Variants in DHX40 observed in about 807,000 individuals in gnomAD.
DHX40 encodes probable ATP-dependent RNA helicase DHX40.
DHX40 carries 28 observed loss-of-function variants against 89.6 expected under a neutral mutation model. The observed-to-expected ratio is 0.31, with a 90% CI of 0.23 to 0.43. The LOEUF (loss-of-function observed/expected upper bound fraction) is 0.43. Ranked by LOEUF, DHX40 falls within the 20% of genes least tolerant of loss-of-function variation. The pLI is 1.00. For missense variants in DHX40, 457 were observed against 844.0 expected (o/e 0.54, Z 5.68); for synonymous variants, 226 against 283.6 (o/e 0.80, Z 2.04).
rs905958538 is a variant in DHX40, at chr17:59,607,011, G to A, written c.2201-22G>A. On this transcript the variant is annotated intron_variant, in intron 17 of 17. Transcript: ENST00000251241. ...TGAATCTCAAAGCTAAGTTTTATTG[G>A]ATTAATTTGTAATGTTTTCAGATGG... 8.1e-6 allele frequency: 13 copies of A among 1,600,392 alleles called. No homozygotes were observed. In the African/African-American group the frequency reaches 1.1e-4, roughly 13 times the overall value.
chr17:59,600,099 C>T (rs2030395229), intron 14 of DHX40, among the ~76,000 whole-genome samples: 2 of 152,182 alleles, frequency 1.3e-5, no homozygotes, highest in Admixed American at 6.5e-5. Flanking sequence ...GCTGGAATTA[C>T]AGGCATGAGC....
intron 2 of DHX40, among the ~76,000 whole-genome samples, chr17:59,568,221 CTG>C (rs2048735846): frequency 6.6e-6 from 1 of 151,880 alleles, no homozygotes; most frequent in African/African-American, 2.4e-5. Context: ...GAGTGAGACT[CTG>C]TGTCAAAAAA....
chr17:59,596,599 G>A (rs1461338638), intron 12 of DHX40, among the ~76,000 whole-genome samples: 4 of 152,154 alleles, frequency 2.6e-5, no homozygotes, highest in South Asian at 4.2e-4. Context: ...TTAGTCTCCC[G>A]GAGCAGTTCA....
intron 15 of DHX40, among the ~76,000 whole-genome samples, chr17:59,603,001 G>T (rs1393089824): frequency 1.3e-5 from 2 of 152,156 alleles, no homozygotes; most frequent in African/African-American, 2.4e-5. Context: ...GTGGGGAGGG[G>T]TTATTTGGTT....
chr17:59,568,900 C>T (rs3863506), intron 2 of DHX40, among the ~76,000 whole-genome samples: 404 of 151,684 alleles, frequency 2.7e-3, no homozygotes, highest in African/African-American at 9.4e-3. Context: ...TGAGATCTTA[C>T]TATGTCGCCC....
chr17:59,592,045 A>T lies in DHX40; in HGVS notation c.1582+3992A>T, dbSNP rs529339221. 1.5e-3 allele frequency among the ~76,000 whole-genome samples: 230 copies of T among 151,378 alleles called. 1 individual carries two copies. The highest frequency in any genetic ancestry group is 5.3e-3 in the African/African-American group (218 of 41,350). ...TACCATGCCTGACTAATTTTTAAAAATTTTTTGTAGAGATGAGGTCTCCCC... is the reference window on the plus strand; with the variant it reads ...TACCATGCCTGACTAATTTTTAAAATTTTTTTGTAGAGATGAGGTCTCCCC... On this transcript the variant is annotated intron_variant, in intron 12 of 17. Coordinates refer to ENST00000251241, the MANE Select transcript of DHX40 (RefSeq NM_024612.5).
chr17:59,606,612 G>A (rs930445796), intron 17 of DHX40, among the ~76,000 whole-genome samples: 1 of 152,044 alleles, frequency 6.6e-6, no homozygotes, highest in Non-Finnish European at 1.5e-5. Flanking sequence ...TGGGTGTGGT[G>A]GCGGGCGCCT....
chr17:59,588,789 A>G (rs2049037890), intron 12 of DHX40, among the ~76,000 whole-genome samples: 1 of 152,132 alleles, frequency 6.6e-6, no homozygotes, highest in African/African-American at 2.4e-5. Flanking sequence ...GACGAAGTCT[A>G]CCTTATCAAT....
chr17:59,573,706 C>T, intron 4 of DHX40, 34 bp from the exon 5 acceptor site: 1 of 1,608,298 alleles, frequency 6.2e-7, no homozygotes, highest in South Asian at 1.1e-5. Context: ...GTTAAGTGTA[C>T]TTGTGACTTA....
intron 2 of DHX40, among the ~76,000 whole-genome samples, chr17:59,569,987 T>C (rs2048769968): frequency 7.0e-6 from 1 of 143,108 alleles, no homozygotes; most frequent in East Asian, 2.0e-4. Context: ...GAGGTTGCGG[T>C]GAGCCGAGAT....
chr17:59,588,218 C>A (rs551741612), intron 12 of DHX40, among the ~76,000 whole-genome samples, 165 bp downstream of exon 12: 68 of 92,984 alleles, frequency 7.3e-4, no homozygotes, highest in Middle Eastern at 7.5e-3. Flanking sequence ...CCCATCTCTA[C>A]TAAAAAAAAA....
chr17:59,568,459 G>A (rs1034284325), intron 2 of DHX40, among the ~76,000 whole-genome samples: 2 of 152,078 alleles, frequency 1.3e-5, no homozygotes, highest in Non-Finnish European at 2.9e-5. Context: ...CTTGGGAGAT[G>A]CCTTCTAAGA....
At chr17:59,565,860 T>A in intron 1 of DHX40, 77 bp downstream of exon 1, 1 of 1,280,898 alleles carries the variant, frequency 7.8e-7, no homozygotes, top group East Asian at 2.7e-5. Flanking sequence ...AAAGTACGCC[T>A]TTGGCAGGCT....
chr17:59,603,446 A>T (rs1042736116), intron 15 of DHX40: 34 of 152,228 alleles, frequency 2.2e-4, no homozygotes, highest in African/African-American at 7.7e-4. Context: ...GGGAAAATGC[A>T]AGATGAGCCC....
intron 14 of DHX40, among the ~76,000 whole-genome samples, chr17:59,602,070 T>C (rs1226860885): frequency 6.6e-6 from 1 of 152,208 alleles, no homozygotes; most frequent in African/African-American, 2.4e-5. Context: ...AGCTCAACAC[T>C]TGAGGAGGAC....
At chr17:59,589,213 G>A (rs2049044555) in intron 12 of DHX40, among the ~76,000 whole-genome samples, 1 of 141,136 alleles carries the variant, frequency 7.1e-6, no homozygotes. Context: ...GAACTTGCTG[G>A]GATTTTTTTT....
At chr17:59,568,775 G>A (rs2048744124) in intron 2 of DHX40, among the ~76,000 whole-genome samples, 1 of 151,652 alleles carries the variant, frequency 6.6e-6, no homozygotes, top group Admixed American at 6.6e-5. Flanking sequence ...GAATGGAAAT[G>A]CGCCATCGAT....
chr17:59,578,042 G>A (rs2048909432), intron 8 of DHX40, among the ~76,000 whole-genome samples: 1 of 152,114 alleles, frequency 6.6e-6, no homozygotes, highest in Non-Finnish European at 1.5e-5. Context: ...AGTAAATAGT[G>A]CTATCAAATT....
At chr17:59,590,449 CT>C (rs1348850993) in intron 12 of DHX40, among the ~76,000 whole-genome samples, 1,484 of 146,476 alleles carry the variant, frequency 0.01, 38 homozygotes, top group African/African-American at 0.036. Context: ...AGTTTGCAGT[CT>C]TTTTTTTTTA....
Sources: gnomAD v4.1 joint callset for allele counts (sites outside exome capture counted in the v4.1 genomes callset) on GRCh38, gnomAD v4.1.1 for gene constraint, MANE v1.5 for transcripts, NCBI Gene and HGNC (gene_info 2026-07-23, HGNC 2026-07-21) for gene names.